Variants in DLG2 observed in about 807,000 individuals in gnomAD.
DLG2 encodes the protein discs large MAGUK scaffold protein 2, also known as disks large homolog 2.
A neutral mutation model predicts 132.5 loss-of-function variants in DLG2; 45 were observed. That is an observed-to-expected ratio of 0.34 (90% CI 0.27 to 0.44). The LOEUF is 0.44. Among genes scored for constraint, DLG2 ranks in the 20% least tolerant of loss-of-function variants. DLG2 has a pLI of 1.00. For synonymous variants in DLG2, 424 were observed against 419.6 expected (o/e 1.01, Z -0.13); for missense variants, 1,045 against 1,196.9 (o/e 0.87, Z 1.87).
At chr11:85,489,557 G>T (rs1565573094) in intron 3 of DLG2, among the ~76,000 whole-genome samples, 1 of 151,806 alleles carries the variant, frequency 6.6e-6, no homozygotes, top group East Asian at 1.9e-4. Context: ...TACACAAAAG[G>T]GACCAAACCA....
chr11:84,433,295 A>G (rs2154474051), intron 7 of DLG2, among the ~76,000 whole-genome samples: 1 of 152,350 alleles, frequency 6.6e-6, no homozygotes, highest in South Asian at 2.1e-4. Flanking sequence ...TTGGTATTTT[A>G]ATACTCTTGT....
chr11:85,144,799 G>C (rs951254330), intron 5 of DLG2, among the ~76,000 whole-genome samples: 1 of 151,798 alleles, frequency 6.6e-6, no homozygotes, highest in Non-Finnish European at 1.5e-5. Context: ...ATATGTTGTA[G>C]TTATTATTTT....
In DLG2 at chr11:83,709,263, ATATG is replaced by A. The variant is rs1448197635; in HGVS notation, c.1826-75942_1826-75939del. Among the ~76,000 whole-genome samples the A allele has an allele frequency of 4.7e-5, 7 of 149,258 alleles. No individual in the cohort carries two copies. The South Asian group carries it at 6.3e-4, about 13-fold the overall frequency. On this transcript the variant is annotated intron_variant, in intron 18 of 27. Coordinates refer to ENST00000376104, the MANE Select transcript of DLG2 (RefSeq NM_001142699.3). ...TGTGTGTGTGTGTATATGTGTGTATATATGTATGTATATATACATATATGTACAT... is the reference window on the plus strand; with the variant it reads ...TGTGTGTGTGTGTATATGTGTGTATATATGTATATATACATATATGTACAT...
chr11:84,292,500 T>C (rs2098017264), intron 7 of DLG2, among the ~76,000 whole-genome samples: 1 of 152,108 alleles, frequency 6.6e-6, no homozygotes, highest in Admixed American at 6.5e-5. Context: ...AAATTGATAA[T>C]TTGAAGGGTA....
chr11:84,276,019 G>A (rs1450398673), intron 7 of DLG2, among the ~76,000 whole-genome samples: 1 of 152,028 alleles, frequency 6.6e-6, no homozygotes, highest in African/African-American at 2.4e-5. Context: ...GTGACACCAA[G>A]AAAAAAATTG....
At chr11:85,431,111 GTT>G (rs1392676521) in intron 3 of DLG2, among the ~76,000 whole-genome samples, 3 of 152,154 alleles carry the variant, frequency 2.0e-5, no homozygotes, top group Non-Finnish European at 4.4e-5. Context: ...AGATATTCTT[GTT>G]TCCAACGAAG....
chr11:84,044,401 T>C (rs964643224), intron 11 of DLG2, among the ~76,000 whole-genome samples: 1 of 151,770 alleles, frequency 6.6e-6, no homozygotes, highest in Non-Finnish European at 1.5e-5. Flanking sequence ...ATATAACGCA[T>C]GTGACTGGTT....
At chr11:83,961,213 C>A (rs1359692008) in intron 14 of DLG2, among the ~76,000 whole-genome samples, 1 of 151,984 alleles carries the variant, frequency 6.6e-6, no homozygotes, top group East Asian at 1.9e-4. Context: ...TTCCCTTGTA[C>A]AGGTGAGAAA....
chr11:83,670,235 GCTT>G (rs2076605754), intron 18 of DLG2, among the ~76,000 whole-genome samples: 2 of 152,202 alleles, frequency 1.3e-5, no homozygotes, highest in African/African-American at 2.4e-5. Flanking sequence ...TCATTTCCAG[GCTT>G]CTTCTACGTG....
At chr11:85,027,723 G>GGCACCT (rs2060653483) in intron 6 of DLG2, among the ~76,000 whole-genome samples, 2 of 152,224 alleles carry the variant, frequency 1.3e-5, no homozygotes, top group Non-Finnish European at 2.9e-5. Flanking sequence ...TTCAGCTATA[G>GGCACCT]GCACCTGCAT....
intron 15 of DLG2, among the ~76,000 whole-genome samples, chr11:83,907,385 G>A (rs375747069): frequency 6.6e-6 from 1 of 152,048 alleles, no homozygotes; most frequent in East Asian, 1.9e-4. Flanking sequence ...AAATAATAGA[G>A]AATAGAATTG....
chr11:84,567,472 A>G (rs1421291220), intron 6 of DLG2, among the ~76,000 whole-genome samples: 1 of 152,220 alleles, frequency 6.6e-6, no homozygotes, highest in Admixed American at 6.5e-5. Context: ...TGGATCCTCA[A>G]TCATCGTTTC....
chr11:84,674,306 A>G lies in DLG2; in HGVS notation c.358-139575T>C, dbSNP rs544894487. Among the ~76,000 whole-genome samples the G allele has an allele frequency of 2.0e-5, 3 of 152,252 alleles. No individual in the cohort carries two copies. In the South Asian group the frequency reaches 6.2e-4, roughly 32 times the overall value. The stretch of plus-strand genomic sequence containing the variant: ...CTACTTGATTAAAAATCTCAAATCC[A>G]ATATGTCACCAAGAGAAGACTTTTT... On this transcript the variant is annotated intron_variant, in intron 6 of 27. Transcript: ENST00000376104.
chr11:84,681,448 T>G (rs2099729707), intron 6 of DLG2, among the ~76,000 whole-genome samples: 1 of 152,208 alleles, frequency 6.6e-6, no homozygotes, highest in South Asian at 2.1e-4. Flanking sequence ...ACTGTTGGTT[T>G]GTAATTTCAA....
chr11:84,175,001 T>A (rs35924856), intron 8 of DLG2, among the ~76,000 whole-genome samples: 8,904 of 152,248 alleles, frequency 0.058, 331 homozygotes, highest in African/African-American at 0.094. Context: ...AAGGTTATGC[T>A]TTCATAAGCA....
chr11:84,032,805 T>C (rs910033492), intron 11 of DLG2, among the ~76,000 whole-genome samples: 2 of 152,168 alleles, frequency 1.3e-5, no homozygotes, highest in African/African-American at 4.8e-5. Flanking sequence ...AGCTGGTGAC[T>C]TTAAGTGGAA....
intron 6 of DLG2, among the ~76,000 whole-genome samples, chr11:84,830,366 C>A (rs906482162): frequency 1.3e-5 from 2 of 149,670 alleles, no homozygotes; most frequent in African/African-American, 4.9e-5. Context: ...CAGGCGTCAT[C>A]TACGTTTTTT....
chr11:83,731,127 T>A (rs2090934925), intron 18 of DLG2, among the ~76,000 whole-genome samples: 1 of 152,192 alleles, frequency 6.6e-6, no homozygotes, highest in Non-Finnish European at 1.5e-5. Context: ...CAGTTCTCTT[T>A]CTTTTTTTCT....
intron 9 of DLG2, among the ~76,000 whole-genome samples, chr11:84,121,183 T>C (rs770317816): frequency 3.3e-5 from 5 of 152,364 alleles, no homozygotes; most frequent in African/African-American, 7.2e-5. Flanking sequence ...AGAAGTTTTA[T>C]AGATGGAAAG....
Sources: allele counts gnomAD v4.1 joint callset (sites outside exome capture counted in the v4.1 genomes callset), GRCh38; gene constraint gnomAD v4.1.1; transcripts MANE v1.5; gene names NCBI Gene and HGNC (gene_info 2026-07-23, HGNC 2026-07-21).